USP46: variants seen among roughly 807,000 people sequenced by gnomAD.
The protein encoded by USP46 is ubiquitin specific peptidase 46, also known as ubiquitin carboxyl-terminal hydrolase 46.
USP46 carries 12 observed loss-of-function variants against 44.4 expected under a neutral mutation model. The observed-to-expected ratio is 0.27, with a 90% confidence interval of 0.17 to 0.44. The LOEUF (loss-of-function observed/expected upper bound fraction) is 0.44. USP46 is among the 20% of genes least tolerant of loss of function. The probability of loss-of-function intolerance (pLI) is 1.00; values close to 1 mark genes in which losing one functional copy is unlikely to be tolerated. For synonymous variants in USP46, 155 were observed against 161.5 expected, an observed-to-expected ratio of 0.96 and a Z score of 0.31; for missense variants, 248 against 444.8, an observed-to-expected ratio of 0.56 and a Z score of 3.98.
intron 2 of USP46, chr4:52,629,719 G>C (rs777701141): frequency 2.2e-6 from 1 of 456,218 alleles, no homozygotes; most frequent in Admixed American, 2.3e-5. Context: ...TTTACCGAGT[G>C]TCCACAGTAT....
intron 5 of USP46, among the ~76,000 whole-genome samples, chr4:52,608,287 A>G (rs1435713316): frequency 6.6e-6 from 1 of 152,232 alleles, no homozygotes; most frequent in East Asian, 1.9e-4. Context: ...TCTTTGATAT[A>G]TTTTCAATTA....
intron 7 of USP46, among the ~76,000 whole-genome samples, chr4:52,599,508 G>C (rs1716375827): frequency 6.6e-6 from 1 of 152,094 alleles, no homozygotes; most frequent in Non-Finnish European, 1.5e-5. Flanking sequence ...AGCAAGCCAG[G>C]AAGAAATGGG....
intron 7 of USP46, among the ~76,000 whole-genome samples, chr4:52,599,652 A>T (rs1716384386): frequency 6.6e-6 from 1 of 152,150 alleles, no homozygotes; most frequent in Non-Finnish European, 1.5e-5. Flanking sequence ...ACCTGTTACT[A>T]TGTAGTTAGG....
In USP46 at chr4:52,594,638, A is replaced by G. The variant is rs972075279; in HGVS notation, c.*3002T>C. ...GAAAGATAAAATCCATCTGTAATAA[A>G]GCTACACTCCAATATCTAAAATAAG... On this transcript the variant is annotated 3_prime_UTR_variant, in exon 9 of 9. Transcript: ENST00000441222. The G allele has an allele frequency of 1.3e-5, 2 of 152,258 alleles. No homozygotes were observed. Among genetic ancestry groups the G allele is most frequent in the African/African-American group, 2.4e-5 (1 of 41,464 alleles). The allele number at this position is 152,258 out of a possible 1,614,324, so 9.4% of individuals were successfully genotyped here. A position where few individuals can be genotyped will look rare whatever the true frequency, so the allele number is the denominator to read the frequency against.
chr4:52,641,851 T>C (rs1259723478), intron 1 of USP46, among the ~76,000 whole-genome samples: 2 of 152,196 alleles, frequency 1.3e-5, no homozygotes, highest in Admixed American at 6.5e-5. Flanking sequence ...AGGCCAAAGA[T>C]AACATGTAAG....
chr4:52,617,192 T>A (rs967290073), intron 4 of USP46, among the ~76,000 whole-genome samples: 1 of 152,228 alleles, frequency 6.6e-6, no homozygotes, highest in Non-Finnish European at 1.5e-5. Flanking sequence ...AATCATGACT[T>A]TTTTATTCAT....
intron 4 of USP46, among the ~76,000 whole-genome samples, chr4:52,622,229 C>G (rs542985900): frequency 2.0e-4 from 31 of 152,156 alleles, no homozygotes; most frequent in African/African-American, 7.5e-4. Context: ...TGTTAATGTT[C>G]CATTTTTTTA....
chr4:52,605,355 C>A (rs540472415), intron 5 of USP46, among the ~76,000 whole-genome samples: 8 of 152,144 alleles, frequency 5.3e-5, no homozygotes, highest in Non-Finnish European at 1.2e-4. Flanking sequence ...GTTTTTCATT[C>A]TTTTCCAGCC....
Position 52,630,736 on chromosome 4 carries a change from C to CA in USP46, c.117+327dup, listed in dbSNP as rs10566870. Among the ~76,000 whole-genome samples the CA allele has an allele frequency of 8.2e-4, 76 of 92,208 alleles. 1 individual carries two copies. Among genetic ancestry groups the CA allele is most frequent in the East Asian group, 3.0e-3 (10 of 3,310 alleles). 60.5% of individuals were successfully genotyped at this position (92,208 alleles called of 152,430 possible). On this transcript the variant is annotated intron_variant, in intron 2 of 8. Coordinates refer to ENST00000441222, the MANE Select transcript of USP46 (RefSeq NM_022832.4). ...TGAGCGACAGAGCAAGACTCTGTCT[C>CA]AAAAAAAAAAAAAAAAAAAGAAAAA... is the stretch of plus-strand genomic sequence containing the variant.
intron 4 of USP46, among the ~76,000 whole-genome samples, chr4:52,625,526 T>G (rs1273777199): frequency 6.6e-6 from 1 of 152,144 alleles, no homozygotes; most frequent in African/African-American, 2.4e-5. Flanking sequence ...TCCAAACACA[T>G]AAGCTCATCC....
chr4:52,658,782 AC>A (rs1022841383), intron 1 of USP46, among the ~76,000 whole-genome samples: 3 of 150,116 alleles, frequency 2.0e-5, no homozygotes, highest in African/African-American at 7.3e-5. Flanking sequence ...CTTATCCCCC[AC>A]CCCCTCCCCG....
At chr4:52,605,252 G>C (rs1389633696) in intron 5 of USP46, among the ~76,000 whole-genome samples, 2 of 152,118 alleles carry the variant, frequency 1.3e-5, no homozygotes, top group Admixed American at 6.6e-5. Flanking sequence ...GCCTCCTTTG[G>C]AGAACAAAAG....
chr4:52,625,680 A>G (rs918254885), intron 4 of USP46, among the ~76,000 whole-genome samples: 23 of 152,290 alleles, frequency 1.5e-4, no homozygotes, highest in Admixed American at 1.5e-3. Context: ...CCTGTTCTAC[A>G]TCACACAAGA....
At chr4:52,642,062 T>A (rs550024078) in intron 1 of USP46, among the ~76,000 whole-genome samples, 1 of 152,160 alleles carries the variant, frequency 6.6e-6, no homozygotes, top group Non-Finnish European at 1.5e-5. Flanking sequence ...AGAATTCTGA[T>A]GACAAAGATC....
chr4:52,632,997 A>G (rs1717965650), intron 1 of USP46, among the ~76,000 whole-genome samples: 1 of 124,076 alleles, frequency 8.1e-6, no homozygotes, highest in Non-Finnish European at 1.7e-5. Context: ...AAGAAAAGAA[A>G]GAAAGAAAGA....
chr4:52,601,729 G>GT (rs1438456889), intron 7 of USP46, 128 bp downstream of exon 7: 13 of 876,630 alleles, frequency 1.5e-5, no homozygotes, highest in African/African-American at 3.4e-5. Context: ...GTGATGATCA[G>GT]TAAGAGTTTG....
chr4:52,626,659 A>T (rs187274801), intron 3 of USP46, among the ~76,000 whole-genome samples: 197 of 152,288 alleles, frequency 1.3e-3, no homozygotes, highest in African/African-American at 4.6e-3. Flanking sequence ...ATGGACAGGT[A>T]TGGAATATAA....
chr4:52,626,335 T>C, intron 3 of USP46, 88 bp from the exon 4 acceptor site: 1 of 1,187,898 alleles, frequency 8.4e-7, no homozygotes. Context: ...TTAAATATTT[T>C]TTTTTTGAGA....
chr4:52,612,870 A>G (rs1716984275), intron 4 of USP46, among the ~76,000 whole-genome samples: 1 of 152,170 alleles, frequency 6.6e-6, no homozygotes, highest in Non-Finnish European at 1.5e-5. Context: ...TGATACAACC[A>G]CTTATCCTTT....
Sources: gnomAD v4.1 joint callset for allele counts (sites outside exome capture counted in the v4.1 genomes callset) on GRCh38, gnomAD v4.1.1 for gene constraint, MANE v1.5 for transcripts, NCBI Gene and HGNC (gene_info 2026-07-23, HGNC 2026-07-21) for gene names.